TRDN: variants seen among roughly 807,000 people sequenced by gnomAD.
TRDN encodes triadin.
TRDN carries 161 observed loss-of-function variants against 149.7 expected under a neutral mutation model. The ratio of observed to expected loss-of-function variants is 1.08; its 90% CI spans 0.95 to 1.23. TRDN has a LOEUF of 1.23. Among genes scored for constraint, TRDN ranks in the 50% most tolerant of loss-of-function variants. The probability of loss-of-function intolerance (pLI) is 0.00; values close to 1 mark genes in which losing one functional copy is unlikely to be tolerated. For missense variants in TRDN, 896 were observed against 823.5 expected, an observed-to-expected ratio of 1.09 and a Z score of -1.08; for synonymous variants, 294 against 250.5, an observed-to-expected ratio of 1.17 and a Z score of -1.64.
At chr6:123,351,193 T>TAAAATCAATTA (rs1780451454) in intron 21 of TRDN, 1 of 983,744 alleles carries the variant, frequency 1.0e-6, no homozygotes, top group African/African-American at 1.7e-5. Context: ...GTCATCTGTG[T>TAAAATCAATTA]TGAAATTGAT....
chr6:123,466,725 A>G (rs958131138), intron 9 of TRDN, among the ~76,000 whole-genome samples: 9 of 152,126 alleles, frequency 5.9e-5, no homozygotes, highest in Admixed American at 4.6e-4. Flanking sequence ...CTTTGAAAAT[A>G]AGCTACAAGG....
chr6:123,253,178 C>A, intron 37 of TRDN, among the ~76,000 whole-genome samples: 1 of 151,860 alleles, frequency 6.6e-6, no homozygotes, highest in East Asian at 1.9e-4. Context: ...AAGAAATGTG[C>A]TTTCTTATTA....
chr6:123,357,210 G>T (rs1290449997), intron 20 of TRDN, among the ~76,000 whole-genome samples: 1 of 151,904 alleles, frequency 6.6e-6, no homozygotes. Context: ...ATAGCATCTA[G>T]AATTGTTCCT....
intron 12 of TRDN, among the ~76,000 whole-genome samples, 195 bp from the exon 13 acceptor site, chr6:123,393,872 G>A (rs1236818609): frequency 6.6e-6 from 1 of 152,066 alleles, no homozygotes; most frequent in African/African-American, 2.4e-5. Flanking sequence ...CATGACTGAA[G>A]CAATTTAAAT....
chr6:123,332,860 T>G (rs186554204), intron 22 of TRDN, among the ~76,000 whole-genome samples: 65 of 152,176 alleles, frequency 4.3e-4, no homozygotes, highest in African/African-American at 1.6e-3. Flanking sequence ...CAGATAGTTT[T>G]GGATGTATTA....
intron 38 of TRDN, among the ~76,000 whole-genome samples, chr6:123,242,778 C>T (rs1245528008): frequency 6.6e-6 from 1 of 151,958 alleles, no homozygotes; most frequent in Non-Finnish European, 1.5e-5. Context: ...TCCCAGGGCC[C>T]CACATTTCAG....
chr6:123,242,106 T>C (rs749249809), intron 38 of TRDN, among the ~76,000 whole-genome samples: 110 of 152,304 alleles, frequency 7.2e-4, no homozygotes, highest in Non-Finnish European at 1.2e-3. Flanking sequence ...CATCCCCCTG[T>C]CTAGAGCCTT....
At position 123,456,798 on chromosome 6, in the gene TRDN, C is replaced by T. The variant is rs1182762213; in HGVS notation, c.931+8108G>A. The T allele has an allele frequency of 8.8e-6, 4 of 455,814 alleles. No individual in the cohort carries two copies. In the East Asian group the frequency reaches 2.8e-4, roughly 32 times the overall value. 28.2% of individuals were successfully genotyped at this position (455,814 alleles called of 1,614,324 possible). A position where few individuals can be genotyped will look rare whatever the true frequency, so the allele number is the denominator to read the frequency against. ...CAATTTCCAAGACTGTTTACTCCAT[C>T]TATGTAAAATACACTTGGTCTTGAA... On this transcript the variant is annotated intron_variant, in intron 10 of 40. Coordinates refer to ENST00000334268, the MANE Select transcript of TRDN (RefSeq NM_006073.4).
intron 12 of TRDN, among the ~76,000 whole-genome samples, chr6:123,407,364 T>C (rs554932852): frequency 3.0e-4 from 45 of 152,328 alleles, no homozygotes; most frequent in African/African-American, 1.0e-3. Context: ...TTTCTCTTTT[T>C]CTTCACAGTC....
intron 1 of TRDN, among the ~76,000 whole-genome samples, chr6:123,576,357 C>G (rs1454118325): frequency 1.3e-5 from 2 of 152,054 alleles, no homozygotes; most frequent in Non-Finnish European, 2.9e-5. Flanking sequence ...TAAATTGCCA[C>G]CTTTTCTCCC....
chr6:123,223,675 TC>T (rs1562217469), intron 39 of TRDN, among the ~76,000 whole-genome samples: 3 of 103,346 alleles, frequency 2.9e-5, no homozygotes, highest in African/African-American at 1.7e-4. Flanking sequence ...TTCCATTTCT[TC>T]CTTCCTTCCT....
Position 123,503,846 on chromosome 6 carries a change from C to T in TRDN, c.666G>A (p.Val222=). ...TCACTTTCTCCTGTTTTCCACCTTT[C>T]ACTTCCTTTTTAGTCTTTTCTTCAC... is the stretch of plus-strand genomic sequence containing the variant. ...EKSEEKTKKE[V]KGGKQEKVKQ... The change falls in exon 8 of 41, where the codon GTG becomes GTA. Residue 222 remains valine, a synonymous_variant. Transcript: ENST00000334268. 1 of 1,598,488 alleles carries T rather than the reference C, an allele frequency of 6.3e-7. No individual in the cohort carries two copies. The highest frequency in any genetic ancestry group is 1.1e-5 in the South Asian group (1 of 89,506).
At chr6:123,531,027 C>T (rs1282903673) in intron 4 of TRDN, among the ~76,000 whole-genome samples, 1 of 151,878 alleles carries the variant, frequency 6.6e-6, no homozygotes, top group Non-Finnish European at 1.5e-5. Flanking sequence ...TGACTCTAAG[C>T]TATGTTTATA....
intron 1 of TRDN, among the ~76,000 whole-genome samples, chr6:123,610,479 C>T (rs1228195242): frequency 6.6e-6 from 1 of 152,170 alleles, no homozygotes; most frequent in East Asian, 1.9e-4. Flanking sequence ...GTACCAAGCA[C>T]TCTGCCAGGT....
intron 1 of TRDN, among the ~76,000 whole-genome samples, chr6:123,627,292 A>AAC (rs1785727941): frequency 3.3e-5 from 5 of 152,172 alleles, no homozygotes; most frequent in Admixed American, 6.6e-5. Context: ...CATGAGCTGC[A>AAC]AAAATGATCT....
In TRDN at chr6:123,482,396, T is replaced by G. The variant is rs532414678; in HGVS notation, c.853+14797A>C. On this transcript the variant is annotated intron_variant, in intron 9 of 40. Coordinates refer to ENST00000334268, the MANE Select transcript of TRDN (RefSeq NM_006073.4). ...TATTTAATAGGCTTAACACAACAAT[T>G]AAATTCACAAATATATTCTCACTTG... 3.4e-4 allele frequency among the ~76,000 whole-genome samples: 52 copies of G among 152,322 alleles called. 2 individuals are homozygous for G. Among genetic ancestry groups the G allele is most frequent in the South Asian group, 1.4e-3 (7 of 4,832 alleles).
At chr6:123,393,311 G>A (rs941388966) in intron 13 of TRDN, among the ~76,000 whole-genome samples, 5 of 151,910 alleles carry the variant, frequency 3.3e-5, no homozygotes, top group African/African-American at 1.2e-4. Context: ...TTTTATATCT[G>A]TATTTGTATT....
intron 12 of TRDN, among the ~76,000 whole-genome samples, chr6:123,421,138 C>T (rs1279707761): frequency 1.3e-5 from 2 of 152,118 alleles, no homozygotes; most frequent in Non-Finnish European, 2.9e-5. Context: ...TCTTTTCCTT[C>T]CTTAGAAGCT....
At chr6:123,369,887 T>A (rs1365423615) in intron 19 of TRDN, among the ~76,000 whole-genome samples, 1 of 152,176 alleles carries the variant, frequency 6.6e-6, no homozygotes, top group Non-Finnish European at 1.5e-5. Flanking sequence ...CCTTCACTGA[T>A]GCTTTCACAA....
Sources: gnomAD v4.1 joint callset for allele counts (sites outside exome capture counted in the v4.1 genomes callset) on GRCh38, gnomAD v4.1.1 for gene constraint, MANE v1.5 for transcripts, NCBI Gene and HGNC (gene_info 2026-07-23, HGNC 2026-07-21) for gene names.